Variants in WARS2 observed in about 807,000 individuals in gnomAD.
WARS2 encodes the protein tryptophan--tRNA ligase, mitochondrial.
Under a neutral mutation model 36.5 loss-of-function variants are expected in WARS2, and 28 were observed. That is an observed-to-expected ratio of 0.77 (90% CI 0.57 to 1.05). The LOEUF is 1.05. Ranked by LOEUF, WARS2 falls within the 50% of genes least tolerant of loss-of-function variation. WARS2 has a pLI of 0.00. For synonymous variants in WARS2, 174 were observed against 178.4 expected, an observed-to-expected ratio of 0.98 and a Z score of 0.20; for missense variants, 435 against 456.8, an observed-to-expected ratio of 0.95 and a Z score of 0.44.
intron 1 of WARS2, among the ~76,000 whole-genome samples, chr1:119,130,049 C>G (rs112302410): frequency 3.9e-5 from 6 of 151,914 alleles, no homozygotes; most frequent in Non-Finnish European, 8.8e-5. Context: ...GGGCTGTTCT[C>G]TCCATCTATG....
At chr1:119,070,920 T>A (rs982572246) in intron 2 of WARS2, among the ~76,000 whole-genome samples, 1 of 152,052 alleles carries the variant, frequency 6.6e-6, no homozygotes, top group Non-Finnish European at 1.5e-5. Flanking sequence ...TGGTGGCTCA[T>A]GCCTGTAATC....
chr1:119,079,008 ATC>A (rs1488229220), intron 1 of WARS2, among the ~76,000 whole-genome samples: 1 of 151,862 alleles, frequency 6.6e-6, no homozygotes, highest in Non-Finnish European at 1.5e-5. Flanking sequence ...TTGAAGTTTT[ATC>A]TTTACTCTTC....
At chr1:119,137,921 A>AC (rs1354915002) in intron 1 of WARS2, among the ~76,000 whole-genome samples, 1 of 152,204 alleles carries the variant, frequency 6.6e-6, no homozygotes, top group African/African-American at 2.4e-5. Flanking sequence ...AAAAGAAAAC[A>AC]CTAAAAACCA....
intron 1 of WARS2, chr1:119,126,685 T>C (rs1430323145): frequency 1.4e-6 from 1 of 725,856 alleles, no homozygotes; most frequent in Non-Finnish European, 2.5e-6. Context: ...TTCCTCAGCA[T>C]TTTTACTTTT....
chr1:119,063,534 C>G (rs988828818), intron 2 of WARS2: 1 of 152,220 alleles, frequency 6.6e-6, no homozygotes, highest in Non-Finnish European at 1.5e-5. Flanking sequence ...GCAGCCCCTC[C>G]CATCACAGGT....
intron 1 of WARS2, among the ~76,000 whole-genome samples, chr1:119,122,520 G>A (rs587753827): frequency 6.6e-6 from 1 of 152,286 alleles, no homozygotes; most frequent in East Asian, 1.9e-4. Flanking sequence ...ATGACCATTC[G>A]ATCCAGCAAT....
Position 119,122,296 on chromosome 1 carries a change from T to A in WARS2, c.90+18259A>T, listed in dbSNP as rs189571694. 2.3e-3 allele frequency among the ~76,000 whole-genome samples: 350 copies of A among 152,254 alleles called. 1 individual carries two copies. The highest frequency in any genetic ancestry group is 7.8e-3 in the African/African-American group (325 of 41,562). ...GGCCAACAAGCACATGGAAAAATGC[T>A]CAATATTACTAATTATCAGCTAAAT... is the stretch of plus-strand genomic sequence containing the variant. On this transcript the variant is annotated intron_variant, in intron 1 of 5. Coordinates refer to ENST00000235521, the MANE Select transcript of WARS2 (RefSeq NM_015836.4).
In WARS2 at chr1:119,077,207, A is replaced by G. The variant is rs116434440; in HGVS notation, c.91-600T>C. 8.7e-3 allele frequency among the ~76,000 whole-genome samples: 1,321 copies of G among 151,562 alleles called. 30 individuals carry two copies. The highest frequency in any genetic ancestry group is 0.062 in the East Asian group (320 of 5,128). On this transcript the variant is annotated intron_variant, in intron 1 of 5. Coordinates refer to ENST00000235521, the MANE Select transcript of WARS2 (RefSeq NM_015836.4). ...TAATTGGAGATAGAGGGTATTGTTT[A>G]TGAAAAGATAAGTAAAGGTATAACA...
chr1:119,053,277 A>C (rs749026571), intron 2 of WARS2, among the ~76,000 whole-genome samples: 8 of 152,214 alleles, frequency 5.3e-5, no homozygotes, highest in Non-Finnish European at 8.8e-5. Context: ...AGAGAAAAAG[A>C]AGACAAGGAA....
At chr1:119,131,460 TTTTTG>T (rs1656092658) in intron 1 of WARS2, among the ~76,000 whole-genome samples, 1 of 143,970 alleles carries the variant, frequency 6.9e-6, no homozygotes, top group Non-Finnish European at 1.5e-5. Context: ...AGTTTTTTGT[TTTTTG>T]TTTTTTTTTT....
chr1:119,057,514 G>A (rs1300665578), intron 2 of WARS2, among the ~76,000 whole-genome samples: 1 of 151,760 alleles, frequency 6.6e-6, no homozygotes, highest in Non-Finnish European at 1.5e-5. Context: ...GCATGGCCGA[G>A]CACAGTGGCT....
intron 2 of WARS2, among the ~76,000 whole-genome samples, chr1:119,047,902 C>G (rs1183936193): frequency 1.3e-5 from 2 of 152,208 alleles, no homozygotes; most frequent in African/African-American, 2.4e-5. Flanking sequence ...AGATTTCAGA[C>G]CTCTAATTCT....
chr1:119,072,628 G>A (rs1299930658), intron 2 of WARS2, among the ~76,000 whole-genome samples: 2 of 152,068 alleles, frequency 1.3e-5, no homozygotes, highest in African/African-American at 4.8e-5. Flanking sequence ...ATAATCAAAT[G>A]TAATATGTGA....
rs950496986 is a variant in WARS2, at chr1:119,076,497, G to C, written c.201C>G (p.Asp67Glu). Residue 67 changes from aspartate (D) to glutamate (E), a missense_variant, in exon 2 of 6, where the codon GAC (aspartate) becomes GAG (glutamate). Coordinates refer to ENST00000235521, the MANE Select transcript of WARS2 (RefSeq NM_015836.4). ...ESWVRLQDEY[D>E]SVLYSIVDLH... ...GGTCAACAATGCTGTATAATACAGA[G>C]TCATATTCATCCTGTAACCTCACCC... 17 of 1,614,050 alleles carry C rather than the reference G, an allele frequency of 1.1e-5. No individual in the cohort carries two copies. In the African/African-American group the frequency reaches 2.1e-4, roughly 20 times the overall value.
At chr1:119,094,727 C>A (rs1192508191) in intron 1 of WARS2, among the ~76,000 whole-genome samples, 1 of 152,084 alleles carries the variant, frequency 6.6e-6, no homozygotes, top group Non-Finnish European at 1.5e-5. Context: ...ATATCAATCC[C>A]AAATACAGTA....
At position 119,048,728 on chromosome 1, in the gene WARS2, A is replaced by G. The variant is rs554482573; in HGVS notation, c.349-3066T>C. Among the ~76,000 whole-genome samples, 11 of 152,254 alleles carry G rather than the reference A, an allele frequency of 7.2e-5. No homozygotes were observed. The East Asian group carries it at 2.1e-3, about 29-fold the overall frequency. ...TTCCTGCCCAAATGTTGCATTTTCCAAGATCACCTTGGTCGGCCACACCCT... is the reference window on the plus strand; with the variant it reads ...TTCCTGCCCAAATGTTGCATTTTCCGAGATCACCTTGGTCGGCCACACCCT... On this transcript the variant is annotated intron_variant, in intron 2 of 5. Coordinates refer to ENST00000235521, the MANE Select transcript of WARS2 (RefSeq NM_015836.4).
chr1:119,136,572 C>A (rs587683364), intron 1 of WARS2, among the ~76,000 whole-genome samples: 1 of 152,152 alleles, frequency 6.6e-6, no homozygotes, highest in Non-Finnish European at 1.5e-5. Flanking sequence ...AATCAACTAG[C>A]AAAATTCCCA....
At chr1:119,055,191 G>C (rs1418460160) in intron 2 of WARS2, among the ~76,000 whole-genome samples, 1 of 152,096 alleles carries the variant, frequency 6.6e-6, no homozygotes, top group Non-Finnish European at 1.5e-5. Context: ...GGGCTGGTTT[G>C]AGGCAAAAAG....
intron 2 of WARS2, among the ~76,000 whole-genome samples, chr1:119,052,119 A>G (rs1020099754): frequency 6.6e-6 from 1 of 152,136 alleles, no homozygotes; most frequent in African/African-American, 2.4e-5. Flanking sequence ...TAATTTCAAA[A>G]ATATTTAATT....
Sources: allele counts gnomAD v4.1 joint callset (sites outside exome capture counted in the v4.1 genomes callset), GRCh38; gene constraint gnomAD v4.1.1; transcripts MANE v1.5; gene names NCBI Gene and HGNC (gene_info 2026-07-23, HGNC 2026-07-21).